Variants in CACNA2D2 observed in about 807,000 individuals in gnomAD.
CACNA2D2 encodes the protein calcium voltage-gated channel auxiliary subunit alpha2delta 2, also known as voltage-dependent calcium channel subunit alpha-2/delta-2.
CACNA2D2 carries 48 observed loss-of-function variants against 166.4 expected under a neutral mutation model. That is an observed-to-expected ratio of 0.29 (90% confidence interval 0.23 to 0.37). The LOEUF (loss-of-function observed/expected upper bound fraction) is 0.37. Ranked by LOEUF, CACNA2D2 falls within the 10% of genes least tolerant of loss-of-function variation. The pLI, the probability that CACNA2D2 is intolerant of heterozygous loss-of-function variation, is 1.00. For missense variants in CACNA2D2, 1,122 were observed against 1,433.0 expected (o/e 0.78, Z 3.50); for synonymous variants, 561 against 573.7 (o/e 0.98, Z 0.32).
chr3:50,500,513 G>A (rs1446092627), intron 1 of CACNA2D2, among the ~76,000 whole-genome samples: 1 of 152,164 alleles, frequency 6.6e-6, no homozygotes, highest in Non-Finnish European at 1.5e-5. Flanking sequence ...GGAAGAGGGA[G>A]GGAAAGACAC....
chr3:50,472,862 T>C (rs2107073320), intron 2 of CACNA2D2, among the ~76,000 whole-genome samples: 1 of 152,286 alleles, frequency 6.6e-6, no homozygotes, highest in Non-Finnish European at 1.5e-5. Flanking sequence ...ATATGCACTC[T>C]ATTCTCCCCC....
At position 50,367,175 on chromosome 3, in the gene CACNA2D2, C is replaced by A; in HGVS notation, c.2402-66G>T. 1 of 1,258,818 alleles carries A rather than the reference C, an allele frequency of 7.9e-7. No homozygotes were observed. The highest frequency in any genetic ancestry group is 1.2e-5 in the South Asian group (1 of 80,844). The allele number at this position is 1,258,818 out of a possible 1,614,324, so 78.0% of individuals were successfully genotyped here. A position where few individuals can be genotyped will look rare whatever the true frequency, so the allele number is the denominator to read the frequency against. On this transcript the variant is annotated intron_variant, in intron 27 of 37. Transcript: ENST00000424201. The surrounding 1 kb of genome is among the most constrained non-coding windows in gnomAD (Gnocchi z 6.5). ...CCACACTGACCACTCTATGCTGGGT[C>A]CTACAAACCCAGCAGTCCAATCCCG...
intron 22 of CACNA2D2, among the ~76,000 whole-genome samples, chr3:50,373,787 A>G: frequency 8.1e-6 from 1 of 124,152 alleles, no homozygotes; most frequent in Non-Finnish European, 1.7e-5. Context: ...TGCAGAGGGG[A>G]GAGAGGTAGG....
chr3:50,398,378 C>T (rs1004709784), intron 3 of CACNA2D2, among the ~76,000 whole-genome samples: 2 of 152,224 alleles, frequency 1.3e-5, no homozygotes, highest in Non-Finnish European at 2.9e-5. Context: ...GACCCTGACA[C>T]TCAGCGAACC....
intron 3 of CACNA2D2, among the ~76,000 whole-genome samples, chr3:50,422,530 G>A (rs1165791139): frequency 6.6e-6 from 1 of 152,094 alleles, no homozygotes. Context: ...GCCCCCTCCT[G>A]GAGCAAAGGA....
chr3:50,497,030 TC>T (rs1698753248), intron 1 of CACNA2D2, among the ~76,000 whole-genome samples: 1 of 151,960 alleles, frequency 6.6e-6, no homozygotes, highest in African/African-American at 2.4e-5. Context: ...CCCATGCCCC[TC>T]CCCCTCTGCT....
At chr3:50,488,485 T>C (rs1698385054) in intron 1 of CACNA2D2, among the ~76,000 whole-genome samples, 1 of 152,022 alleles carries the variant, frequency 6.6e-6, no homozygotes, top group African/African-American at 2.4e-5. Flanking sequence ...ACTTTGTATC[T>C]TGCAATCTTG....
At chr3:50,433,373 T>A (rs1559942882) in intron 3 of CACNA2D2, among the ~76,000 whole-genome samples, 1 of 151,960 alleles carries the variant, frequency 6.6e-6, no homozygotes, top group African/African-American at 2.4e-5. Flanking sequence ...GTTTTTTTTT[T>A]AAAGAGATGA....
At chr3:50,495,674 C>A (rs1698696423) in intron 1 of CACNA2D2, among the ~76,000 whole-genome samples, 1 of 152,178 alleles carries the variant, frequency 6.6e-6, no homozygotes, top group Admixed American at 6.5e-5. Flanking sequence ...AGGACCCAAA[C>A]CCACAGCAGA....
intron 2 of CACNA2D2, among the ~76,000 whole-genome samples, chr3:50,445,672 T>C (rs1708810457): frequency 1.3e-5 from 2 of 152,214 alleles, no homozygotes; most frequent in South Asian, 4.1e-4. Flanking sequence ...ATTAGGGACA[T>C]GCATGCTCTG....
In CACNA2D2 at chr3:50,364,713, G is replaced by A. The variant is rs1301302105; in HGVS notation, c.3385C>T (p.Pro1129Ser). 3 of 1,548,078 alleles carry A rather than the reference G, an allele frequency of 1.9e-6. No individual in the cohort carries two copies. The highest frequency in any genetic ancestry group is 2.4e-5 in the East Asian group (1 of 40,902). ...LQLLLLLGLPPRPQPQVLVHA... is the reference protein window; with the variant it reads ...LQLLLLLGLPSRPQPQVLVHA... ...ACGAGGACTTGAGGCTGCGGCCGGGGCGGCAGGCCCAGGAGGAGCAGCAGT... is the reference window on the plus strand; with the variant it reads ...ACGAGGACTTGAGGCTGCGGCCGGGACGGCAGGCCCAGGAGGAGCAGCAGT... Residue 1129 changes from proline to serine, a missense_variant, in exon 38 of 38, where the codon CCC becomes TCC. By Grantham distance (74) the Pro-to-Ser change is moderately conservative. Coordinates refer to ENST00000424201, the MANE Select transcript of CACNA2D2 (RefSeq NM_006030.4).
chr3:50,462,430 AATG>A (rs1553750625), intron 2 of CACNA2D2, among the ~76,000 whole-genome samples: 94 of 141,948 alleles, frequency 6.6e-4, no homozygotes, highest in African/African-American at 1.3e-3. Flanking sequence ...TAATAATAAT[AATG>A]ATAATAATAA....
At chr3:50,471,138 A>G (rs1241360201) in intron 2 of CACNA2D2, among the ~76,000 whole-genome samples, 3 of 152,102 alleles carry the variant, frequency 2.0e-5, no homozygotes, top group Non-Finnish European at 4.4e-5. Context: ...CTGGGCCTCA[A>G]CAGGAGGTGG....
chr3:50,479,177 GTC>G (rs957035351), intron 1 of CACNA2D2, among the ~76,000 whole-genome samples: 5 of 151,454 alleles, frequency 3.3e-5, no homozygotes, highest in African/African-American at 9.7e-5. Flanking sequence ...CTCCCTCCTT[GTC>G]TCTCTCTCTC....
chr3:50,467,150 G>C (rs577816110), intron 2 of CACNA2D2, among the ~76,000 whole-genome samples: 7 of 152,276 alleles, frequency 4.6e-5, no homozygotes, highest in Admixed American at 3.9e-4. Flanking sequence ...AAGCCTTCAA[G>C]TCACTCTAGG....
chr3:50,377,954 A>T, intron 15 of CACNA2D2, 54 bp downstream of exon 15: 1 of 1,572,958 alleles, frequency 6.4e-7, no homozygotes, highest in Non-Finnish European at 8.7e-7. Context: ...CCCTGTGGGC[A>T]CATCTCCGGG....
chr3:50,476,551 G>A (rs1362396879), intron 1 of CACNA2D2, among the ~76,000 whole-genome samples: 1 of 152,240 alleles, frequency 6.6e-6, no homozygotes, highest in East Asian at 1.9e-4. Context: ...CTGGACACCA[G>A]GGAGGAGGGA....
rs41304862 is a variant in CACNA2D2 at position 50,454,273 on chromosome 3, C to G, written c.289-19844G>C. On this transcript the variant is annotated intron_variant, in intron 2 of 37. Transcript: ENST00000424201. ...CCTCAGGAAAAGAAGGGGAAGGGAC[C>G]GAGCCGGACTCCACAGCATTTGCTT... 5.5e-3 allele frequency among the ~76,000 whole-genome samples: 838 copies of G among 152,264 alleles called. 9 individuals carry two copies. The highest frequency in any genetic ancestry group is 0.04 in the South Asian group (193 of 4,822).
At chr3:50,402,237 G>GC (rs1292131340) in intron 3 of CACNA2D2, among the ~76,000 whole-genome samples, 2 of 152,242 alleles carry the variant, frequency 1.3e-5, no homozygotes, top group East Asian at 3.8e-4. Context: ...GAGGCAAGGG[G>GC]CCTCTGTGGC....
Sources: allele counts gnomAD v4.1 joint callset (sites outside exome capture counted in the v4.1 genomes callset), GRCh38; gene constraint gnomAD v4.1.1; non-coding constraint Gnocchi (gnomAD v3.1); transcripts MANE v1.5; gene names NCBI Gene and HGNC (gene_info 2026-07-23, HGNC 2026-07-21).